The following ADGRL3 variants were observed in gnomAD, a reference collection of about 807,000 sequenced individuals.
ADGRL3 encodes the protein adhesion G protein-coupled receptor L3.
A neutral mutation model predicts 153.5 loss-of-function variants in ADGRL3; 62 were observed. The ratio of observed to expected loss-of-function variants is 0.40; its 90% confidence interval spans 0.33 to 0.50. ADGRL3 has a LOEUF of 0.50. Among genes scored for constraint, ADGRL3 ranks in the 20% least tolerant of loss-of-function variants. ADGRL3 has a pLI of 0.47. For synonymous variants in ADGRL3, 710 were observed against 672.5 expected (o/e 1.06, Z -0.86); for missense variants, 1,641 against 1,859.4 (o/e 0.88, Z 2.16).
In ADGRL3 at chr4:61,856,956, C is replaced by CTTT. The variant is rs1341651595; in HGVS notation, c.1481-35699_1481-35697dup. On this transcript the variant is annotated intron_variant, in intron 9 of 26. Transcript: ENST00000683033. ...CTCCTCCCTCTTTCTTCTTCTCTTT[C>CTTT]TTTCTTTCTTTCTTTCTTTCTTTCT... 6.0e-5 allele frequency among the ~76,000 whole-genome samples: 3 copies of CTTT among 49,996 alleles called. No individual in the cohort carries two copies. In the South Asian group the frequency reaches 2.9e-3, roughly 49 times the overall value. The allele number at this position is 49,996 out of a possible 152,430, so 32.8% of individuals were successfully genotyped here. A position where few individuals can be genotyped will look rare whatever the true frequency, so the allele number is the denominator to read the frequency against.
intron 1 of ADGRL3, among the ~76,000 whole-genome samples, chr4:61,364,128 G>A (rs1037627837): frequency 2.0e-5 from 3 of 151,726 alleles, no homozygotes; most frequent in Admixed American, 1.3e-4. Context: ...TCAAGAGATC[G>A]AGATCATCCT....
intron 1 of ADGRL3, among the ~76,000 whole-genome samples, chr4:61,214,879 A>T (rs1741901667): frequency 6.6e-6 from 1 of 152,152 alleles, no homozygotes. Flanking sequence ...TCCAGGCTGC[A>T]GTGAGTCATC....
At chr4:61,686,653 A>G (rs1486472214) in intron 6 of ADGRL3, among the ~76,000 whole-genome samples, 1 of 152,040 alleles carries the variant, frequency 6.6e-6, no homozygotes, top group Non-Finnish European at 1.5e-5. Flanking sequence ...CATTCAAAAT[A>G]CTCTCTTCCA....
intron 1 of ADGRL3, among the ~76,000 whole-genome samples, chr4:61,302,045 T>C (rs182522448): frequency 9.8e-5 from 15 of 152,320 alleles, no homozygotes; most frequent in Admixed American, 9.8e-4. Flanking sequence ...ACAAAGTTTG[T>C]ATTATAATCC....
At chr4:61,994,309 A>G (rs1278982890) in intron 19 of ADGRL3, among the ~76,000 whole-genome samples, 1 of 151,146 alleles carries the variant, frequency 6.6e-6, no homozygotes, top group East Asian at 1.9e-4. Flanking sequence ...CACCATCCCC[A>G]GCTATTTTTT....
chr4:61,881,796 A>G (rs2098510285), intron 9 of ADGRL3, among the ~76,000 whole-genome samples: 2 of 152,270 alleles, frequency 1.3e-5, no homozygotes, highest in South Asian at 2.1e-4. Flanking sequence ...ACAAGTTAAT[A>G]TAAAAATATG....
chr4:61,578,204 A>G lies in ADGRL3; in HGVS notation c.260-9023A>G, dbSNP rs373369274. Among the ~76,000 whole-genome samples, 27 of 152,074 alleles carry G rather than the reference A, an allele frequency of 1.8e-4. 1 individual carries two copies. The highest frequency in any genetic ancestry group is 6.0e-4 in the African/African-American group (25 of 41,520). On this transcript the variant is annotated intron_variant, in intron 4 of 26. Coordinates refer to ENST00000683033, the MANE Select transcript of ADGRL3 (RefSeq NM_001387552.1). Reference sequence around the variant, plus strand: ...CTGTGTGTGACACCCAAGGAGAGTTATTGCATCTTATCTCTATGACTTTCT... The same window carrying G: ...CTGTGTGTGACACCCAAGGAGAGTTGTTGCATCTTATCTCTATGACTTTCT...
At chr4:61,895,694 A>G in intron 10 of ADGRL3, 37 bp from the exon 11 acceptor site, 1 of 1,132,838 alleles carries the variant, frequency 8.8e-7, no homozygotes, top group East Asian at 2.5e-5. Flanking sequence ...AGTCATTCTA[A>G]GAAAAAGAAA....
chr4:61,334,606 T>G (rs2095640061), intron 1 of ADGRL3, among the ~76,000 whole-genome samples: 1 of 152,140 alleles, frequency 6.6e-6, no homozygotes, highest in African/African-American at 2.4e-5. Context: ...GTCTTCTAAG[T>G]GAGGTTTCTC....
At chr4:61,903,223 T>C (rs2098674660) in intron 11 of ADGRL3, among the ~76,000 whole-genome samples, 1 of 152,196 alleles carries the variant, frequency 6.6e-6, no homozygotes, top group African/African-American at 2.4e-5. Flanking sequence ...TTCCCCTCAA[T>C]AGCACCCATT....
At chr4:61,377,143 C>T (rs2096613164) in intron 1 of ADGRL3, among the ~76,000 whole-genome samples, 1 of 151,932 alleles carries the variant, frequency 6.6e-6, no homozygotes, top group African/African-American at 2.4e-5. Context: ...CTATCATATC[C>T]TATGGTATGG....
Position 62,071,821 on chromosome 4 carries a change from T to A in ADGRL3, c.*913T>A. Reference sequence around the variant, plus strand: ...AAATGGAACTATCACTTTATAAGAATCATTTTCTAGTAATGCAAACAAATT... The same window carrying A: ...AAATGGAACTATCACTTTATAAGAAACATTTTCTAGTAATGCAAACAAATT... On this transcript the variant is annotated 3_prime_UTR_variant, in exon 27 of 27. Coordinates refer to ENST00000683033, the MANE Select transcript of ADGRL3 (RefSeq NM_001387552.1). The A allele has an allele frequency of 2.7e-6, 1 of 367,074 alleles. No individual in the cohort carries two copies. Among genetic ancestry groups the A allele is most frequent in the Non-Finnish European group, 5.2e-6 (1 of 190,816 alleles). The allele number at this position is 367,074 out of a possible 1,614,324, so 22.7% of individuals were successfully genotyped here. A position where few individuals can be genotyped will look rare whatever the true frequency, so the allele number is the denominator to read the frequency against.
intron 2 of ADGRL3, chr4:61,427,610 C>A (rs1485156888): frequency 6.5e-6 from 1 of 152,752 alleles, no homozygotes. Context: ...GCCCTGGGGC[C>A]CCAGTGGCTG....
chr4:61,947,556 C>T (rs1045565496), intron 16 of ADGRL3, among the ~76,000 whole-genome samples: 1 of 152,270 alleles, frequency 6.6e-6, no homozygotes, highest in African/African-American at 2.4e-5. Flanking sequence ...CTTTGGTAAC[C>T]TTTCTACTGT....
At chr4:61,636,827 C>T (rs939383553) in intron 5 of ADGRL3, among the ~76,000 whole-genome samples, 1 of 150,826 alleles carries the variant, frequency 6.6e-6, no homozygotes, top group Non-Finnish European at 1.5e-5. Flanking sequence ...AATAAATATA[C>T]ATATATTTTT....
chr4:61,201,487 C>T lies in ADGRL3; in HGVS notation c.-518C>T, dbSNP rs956035172. On this transcript the variant is annotated 5_prime_UTR_variant, in exon 1 of 27. Transcript: ENST00000683033. ...AGCGAGGAACGTAAAGGAAGGCGAA[C>T]ATTTGGCTCTCTTTTTCCTTCCCCT... 3.3e-5 allele frequency: 5 copies of T among 152,260 alleles called. No homozygotes were observed. The highest frequency in any genetic ancestry group is 3.3e-4 in the Admixed American group (5 of 15,284). The allele number at this position is 152,260 out of a possible 1,614,324, so 9.4% of individuals were successfully genotyped here. A position where few individuals can be genotyped will look rare whatever the true frequency, so the allele number is the denominator to read the frequency against.
chr4:61,982,687 C>G (rs1036377879), intron 18 of ADGRL3, among the ~76,000 whole-genome samples: 33 of 152,122 alleles, frequency 2.2e-4, no homozygotes, highest in African/African-American at 8.0e-4. Flanking sequence ...GCTGCCTTTT[C>G]TGACCAAGCT....
At chr4:61,755,000 T>G (rs2096805510) in intron 8 of ADGRL3, among the ~76,000 whole-genome samples, 1 of 152,222 alleles carries the variant, frequency 6.6e-6, no homozygotes, top group South Asian at 2.1e-4. Flanking sequence ...GTGCCACATT[T>G]TCTTAATCCA....
intron 8 of ADGRL3, among the ~76,000 whole-genome samples, chr4:61,792,187 C>T (rs1264210822): frequency 6.6e-6 from 1 of 151,500 alleles, no homozygotes; most frequent in Non-Finnish European, 1.5e-5. Flanking sequence ...CCTTTACCAG[C>T]ACCCAAGTCA....
Sources: gnomAD v4.1 joint callset for allele counts (sites outside exome capture counted in the v4.1 genomes callset) on GRCh38, gnomAD v4.1.1 for gene constraint, MANE v1.5 for transcripts, NCBI Gene and HGNC (gene_info 2026-07-23, HGNC 2026-07-21) for gene names.